Variants in TAS2R1 observed in about 807,000 individuals in gnomAD.
TAS2R1 encodes the protein taste receptor type 2 member 1.
For synonymous variants in TAS2R1, 141 were observed against 134.2 expected, an observed-to-expected ratio of 1.05 and a Z score of -0.35; for missense variants, 370 against 353.4, an observed-to-expected ratio of 1.05 and a Z score of -0.38.
chr5:9,736,122 T>C, the TAS2R1 span, among the ~76,000 whole-genome samples: 7 of 152,352 alleles, frequency 4.6e-5, no homozygotes, highest in South Asian at 1.0e-3. Flanking sequence ...CGGAAAGTCA[T>C]AGATTCCACT....
chr5:9,765,653 G>C, the TAS2R1 span: 1 of 152,026 alleles, frequency 6.6e-6, no homozygotes, highest in African/African-American at 2.4e-5. Flanking sequence ...CCCCTTGATG[G>C]ATACCAGATG....
chr5:9,818,163 C>T, the TAS2R1 span, among the ~76,000 whole-genome samples: 1 of 152,174 alleles, frequency 6.6e-6, no homozygotes, highest in African/African-American at 2.4e-5. Flanking sequence ...GAGGCTGTCA[C>T]GTCCTTAAGG....
chr5:9,884,510 T>C, the TAS2R1 span, among the ~76,000 whole-genome samples: 1,939 of 147,676 alleles, frequency 0.013, 40 homozygotes, highest in African/African-American at 0.045. Context: ...CACCTCTTAA[T>C]ACTTTACAAT....
At chr5:9,708,964 G>T (rs1741677195) in intron 1 of TAS2R1, among the ~76,000 whole-genome samples, 1 of 152,106 alleles carries the variant, frequency 6.6e-6, no homozygotes, top group Non-Finnish European at 1.5e-5. Context: ...CTCCCACACA[G>T]TTATATTCAA....
At chr5:9,869,187 G>A in the TAS2R1 span, among the ~76,000 whole-genome samples, 5 of 152,082 alleles carry the variant, frequency 3.3e-5, no homozygotes, top group South Asian at 4.1e-4. Flanking sequence ...TTACAGCAGC[G>A]TTCAACTCTC....
the TAS2R1 span, among the ~76,000 whole-genome samples, chr5:9,903,248 A>T: frequency 2.6e-5 from 4 of 152,080 alleles, no homozygotes; most frequent in African/African-American, 9.7e-5. Flanking sequence ...ACCTACAAGT[A>T]AGTGAGAACA....
chr5:9,828,602 T>C, the TAS2R1 span, among the ~76,000 whole-genome samples: 2 of 152,236 alleles, frequency 1.3e-5, no homozygotes, highest in South Asian at 4.1e-4. Flanking sequence ...CCAGACTGAA[T>C]TCATCTTTGA....
the TAS2R1 span, among the ~76,000 whole-genome samples, chr5:9,801,824 T>C: frequency 1.3e-5 from 2 of 152,098 alleles, no homozygotes; most frequent in African/African-American, 2.4e-5. Flanking sequence ...CCTGGGAACA[T>C]AACTCCATTG....
chr5:9,864,902 C>T, the TAS2R1 span, among the ~76,000 whole-genome samples: 17,869 of 152,126 alleles, frequency 0.12, 1,239 homozygotes, highest in Middle Eastern at 0.19. Flanking sequence ...CATAACCAAG[C>T]GAGGGCACTA....
upstream of TAS2R1, among the ~76,000 whole-genome samples, chr5:9,633,297 TATATATA>T (rs1739906790): frequency 1.1e-5 from 1 of 92,578 alleles, no homozygotes; most frequent in African/African-American, 4.0e-5. Flanking sequence ...GTGTATATTA[TATATATA>T]TATATATATA....
At chr5:9,902,708 A>G in the TAS2R1 span, 2 of 151,986 alleles carry the variant, frequency 1.3e-5, no homozygotes, top group Admixed American at 6.6e-5. Context: ...GGGTAGGAAA[A>G]TCTGAACCGT....
the TAS2R1 span, among the ~76,000 whole-genome samples, chr5:9,834,698 T>C: frequency 2.0e-5 from 3 of 151,806 alleles, no homozygotes; most frequent in Non-Finnish European, 4.4e-5. Context: ...AAAATTAATC[T>C]GCAGTATTAG....
chr5:9,809,353 T>C, the TAS2R1 span, among the ~76,000 whole-genome samples: 1 of 152,182 alleles, frequency 6.6e-6, no homozygotes, highest in Admixed American at 6.5e-5. Flanking sequence ...AATTCATATG[T>C]CAAAGGCTGA....
intron 1 of TAS2R1, among the ~76,000 whole-genome samples, chr5:9,691,626 T>C (rs1579785781): frequency 6.6e-6 from 1 of 152,234 alleles, no homozygotes; most frequent in South Asian, 2.1e-4. Context: ...AAAACTGGCA[T>C]GAAGACTGAA....
chr5:9,804,589 A>T, the TAS2R1 span, among the ~76,000 whole-genome samples: 1 of 152,090 alleles, frequency 6.6e-6, no homozygotes, highest in Non-Finnish European at 1.5e-5. Flanking sequence ...ACTCCGAAAG[A>T]AACCCTCGAA....
chr5:9,826,181 A>G, the TAS2R1 span, among the ~76,000 whole-genome samples: 1 of 152,186 alleles, frequency 6.6e-6, no homozygotes, highest in African/African-American at 2.4e-5. Context: ...ACTTTATCCT[A>G]TAAAATACAT....
At chr5:9,726,232 T>TCAAGGTTTGTAA in the TAS2R1 span, among the ~76,000 whole-genome samples, 1 of 152,162 alleles carries the variant, frequency 6.6e-6, no homozygotes, top group African/African-American at 2.4e-5. Context: ...TGTATCTAGC[T>TCAAGGTTTGTAA]ACTCTGGTGG....
At chr5:9,783,535 T>C in the TAS2R1 span, among the ~76,000 whole-genome samples, 1 of 152,252 alleles carries the variant, frequency 6.6e-6, no homozygotes, top group South Asian at 2.1e-4. Flanking sequence ...TCCTTGAGTG[T>C]AAGCCCAGTT....
upstream of TAS2R1, chr5:9,713,043 C>T (rs890415716): frequency 6.6e-6 from 1 of 152,140 alleles, no homozygotes; most frequent in South Asian, 2.1e-4. Context: ...ATGCATTCTC[C>T]TTTAACTCAG....
Sources: gnomAD v4.1 joint callset for allele counts (sites outside exome capture counted in the v4.1 genomes callset) on GRCh38, gnomAD v4.1.1 for gene constraint, MANE v1.5 for transcripts, NCBI Gene and HGNC (gene_info 2026-07-23, HGNC 2026-07-21) for gene names.